The following TBCK variants were observed in gnomAD, a reference collection of about 807,000 sequenced individuals.
TBCK encodes TBC1 domain containing kinase.
TBCK carries 99 observed loss-of-function variants against 113.4 expected under a neutral mutation model. That is an observed-to-expected ratio of 0.87 (90% CI 0.74 to 1.03). The LOEUF (loss-of-function observed/expected upper bound fraction) is 1.03, where lower values mean the gene tolerates loss of function less well. Among genes scored for constraint, TBCK ranks in the 50% least tolerant of loss-of-function variants. The pLI is 0.00. For missense variants in TBCK, 1,045 were observed against 1,061.3 expected (o/e 0.98, Z 0.21); for synonymous variants, 369 against 370.8 (o/e 1.00, Z 0.05).
At chr4:106,230,471 T>C (rs1449104777) in intron 18 of TBCK, 25 bp from the exon 19 acceptor site, 2 of 1,487,910 alleles carry the variant, frequency 1.3e-6, no homozygotes, top group African/African-American at 1.4e-5. Flanking sequence ...GGCAAAGGCA[T>C]GTAAAAAATT....
intron 23 of TBCK, among the ~76,000 whole-genome samples, chr4:106,144,528 T>G (rs1747530122): frequency 6.6e-6 from 1 of 152,136 alleles, no homozygotes; most frequent in Non-Finnish European, 1.5e-5. Flanking sequence ...AGCTGAAGTG[T>G]TGAAAAGTGC....
intron 23 of TBCK, among the ~76,000 whole-genome samples, chr4:106,144,810 G>A (rs1416137432): frequency 6.6e-6 from 1 of 150,662 alleles, no homozygotes; most frequent in African/African-American, 2.4e-5. Flanking sequence ...GATCACCTGA[G>A]GTTGGGAGTT....
intron 3 of TBCK, among the ~76,000 whole-genome samples, chr4:106,284,494 C>T (rs1198432650): frequency 6.6e-6 from 1 of 152,134 alleles, no homozygotes; most frequent in African/African-American, 2.4e-5. Context: ...TCACGTATAA[C>T]TTCTGCAATA....
intron 10 of TBCK, among the ~76,000 whole-genome samples, chr4:106,246,510 TATAA>T (rs1210328329): frequency 6.6e-6 from 1 of 152,130 alleles, no homozygotes; most frequent in Non-Finnish European, 1.5e-5. Context: ...AGAGATCATT[TATAA>T]ATAAATTATA....
At chr4:106,115,406 T>C (rs1188022068) in intron 24 of TBCK, among the ~76,000 whole-genome samples, 1 of 152,200 alleles carries the variant, frequency 6.6e-6, no homozygotes, top group African/African-American at 2.4e-5. Flanking sequence ...TATATGCCAA[T>C]TTTAGCATAT....
At position 106,235,347 on chromosome 4, in the gene TBCK, G is replaced by A; in HGVS notation, c.1371C>T (p.Asn457=). The change falls in exon 15 of 26, where the codon AAC becomes AAT. Residue 457 remains asparagine (N), a synonymous_variant. Transcript: ENST00000394708. ...RLLKAYPYKK[N]QIWKEARVDI... ...CAACTCTTGCTTCTTTCCAGATTTG[G>A]TTTTTTTTATATGGATAAGCCTATG... The A allele has an allele frequency of 6.2e-7, 1 of 1,606,466 alleles. No homozygotes were observed. The highest frequency in any genetic ancestry group is 8.5e-7 in the Non-Finnish European group (1 of 1,176,304).
chr4:106,102,587 TA>T (rs35431513), intron 24 of TBCK, among the ~76,000 whole-genome samples: 145 of 150,220 alleles, frequency 9.7e-4, no homozygotes, highest in African/African-American at 3.3e-3. Flanking sequence ...TTACATAGGT[TA>T]AAAAAAAAGA....
chr4:106,109,867 A>T (rs73836983), intron 24 of TBCK, among the ~76,000 whole-genome samples: 1,987 of 152,298 alleles, frequency 0.013, 48 homozygotes, highest in African/African-American at 0.043. Flanking sequence ...GGTGGAAAAA[A>T]TTGTAGAAAG....
chr4:106,185,570 C>T (rs529836241), intron 22 of TBCK, among the ~76,000 whole-genome samples: 74 of 152,126 alleles, frequency 4.9e-4, no homozygotes, highest in South Asian at 1.0e-3. Context: ...GTATTTGTTC[C>T]TGTGACAAGA....
chr4:106,310,368 A>G (rs1768063367), intron 1 of TBCK: 1 of 152,220 alleles, frequency 6.6e-6, no homozygotes, highest in South Asian at 2.1e-4. Context: ...GTCCCTTCAG[A>G]TTCAGAGGCT....
chr4:106,259,016 A>G (rs1348164113), intron 5 of TBCK, among the ~76,000 whole-genome samples: 1 of 151,944 alleles, frequency 6.6e-6, no homozygotes, highest in African/African-American at 2.4e-5. Context: ...TAAGCAGTCC[A>G]TCAAAACAGA....
intron 20 of TBCK, among the ~76,000 whole-genome samples, chr4:106,201,244 T>A (rs1006215933): frequency 1.3e-5 from 2 of 152,004 alleles, no homozygotes; most frequent in African/African-American, 2.4e-5. Context: ...TAGTAATGTC[T>A]ATTATTTTTT....
At chr4:106,309,109 T>G (rs549671162) in intron 1 of TBCK, 120 bp from the exon 2 acceptor site, 1 of 567,738 alleles carries the variant, frequency 1.8e-6, no homozygotes, top group Non-Finnish European at 3.0e-6. Context: ...AGTAAAAATA[T>G]CAAAGTATAA....
chr4:106,235,587 G>A (rs1302198334), intron 14 of TBCK, among the ~76,000 whole-genome samples: 2 of 151,982 alleles, frequency 1.3e-5, no homozygotes, highest in African/African-American at 4.8e-5. Context: ...ATTAAGAAGA[G>A]CAGCTGATTC....
At chr4:106,260,665 A>G (rs1762422953) in intron 4 of TBCK, among the ~76,000 whole-genome samples, 155 bp from the exon 5 acceptor site, 1 of 151,922 alleles carries the variant, frequency 6.6e-6, no homozygotes, top group Non-Finnish European at 1.5e-5. Context: ...TTAAAAAATC[A>G]TAATTTTATA....
chr4:106,137,436 A>C (rs1177721982), intron 23 of TBCK, among the ~76,000 whole-genome samples: 1 of 140,092 alleles, frequency 7.1e-6, no homozygotes, highest in African/African-American at 2.5e-5. Flanking sequence ...CTCATGCAAG[A>C]GGGGGTACAG....
intron 25 of TBCK, among the ~76,000 whole-genome samples, chr4:106,050,367 A>C (rs879838407): frequency 6.6e-6 from 1 of 152,024 alleles, no homozygotes; most frequent in Non-Finnish European, 1.5e-5. Flanking sequence ...ACAGAACACT[A>C]ATACCCAATG....
intron 2 of TBCK, among the ~76,000 whole-genome samples, chr4:106,303,395 A>G (rs1479370699): frequency 2.0e-5 from 3 of 152,046 alleles, no homozygotes; most frequent in African/African-American, 7.2e-5. Flanking sequence ...ATGCATTTTC[A>G]TTATTCAGCA....
intron 25 of TBCK, among the ~76,000 whole-genome samples, chr4:106,063,699 G>A (rs1473937743): frequency 6.6e-6 from 1 of 151,796 alleles, no homozygotes; most frequent in Non-Finnish European, 1.5e-5. Flanking sequence ...ATATTAGGAG[G>A]GAGGGCCTTT....
Sources: gnomAD v4.1 joint callset for allele counts (sites outside exome capture counted in the v4.1 genomes callset) on GRCh38, gnomAD v4.1.1 for gene constraint, MANE v1.5 for transcripts, NCBI Gene and HGNC (gene_info 2026-07-23, HGNC 2026-07-21) for gene names.